Variants in TRAF6 observed in about 807,000 individuals in gnomAD.
TRAF6 encodes TNF receptor-associated factor 6.
Under a neutral mutation model 48.4 loss-of-function variants are expected in TRAF6, and 10 were observed. The observed-to-expected ratio is 0.21, with a 90% CI of 0.13 to 0.35. TRAF6 has a LOEUF of 0.35. TRAF6 is among the 10% of genes least tolerant of loss of function. TRAF6 has a pLI of 1.00. For missense variants in TRAF6, 397 were observed against 661.0 expected (o/e 0.60, Z 4.38); for synonymous variants, 186 against 219.6 (o/e 0.85, Z 1.35).
intron 1 of TRAF6, among the ~76,000 whole-genome samples, chr11:36,508,874 G>A (rs1165817748): frequency 6.6e-6 from 1 of 152,172 alleles, no homozygotes; most frequent in African/African-American, 2.4e-5. Context: ...CCAAATCTAA[G>A]TGTCCAAAAG....
intron 3 of TRAF6, among the ~76,000 whole-genome samples, chr11:36,498,151 T>C (rs1859666066): frequency 6.6e-6 from 1 of 152,174 alleles, no homozygotes; most frequent in African/African-American, 2.4e-5. Context: ...CCCAAAGTGC[T>C]GGGATTACAG....
At chr11:36,506,303 C>G (rs1158358191) in intron 1 of TRAF6, among the ~76,000 whole-genome samples, 1 of 152,044 alleles carries the variant, frequency 6.6e-6, no homozygotes, top group Non-Finnish European at 1.5e-5. Context: ...ATAGATAATG[C>G]TGGTTATCTA....
chr11:36,495,115 G>A, intron 4 of TRAF6, 68 bp from the exon 5 acceptor site: 1 of 1,233,048 alleles, frequency 8.1e-7, no homozygotes, highest in Non-Finnish European at 1.2e-6. Context: ...AACTAATTTT[G>A]ATAAAAAGCA....
chr11:36,491,218 G>A (rs570073578), intron 6 of TRAF6, among the ~76,000 whole-genome samples: 2 of 152,012 alleles, frequency 1.3e-5, no homozygotes, highest in South Asian at 4.2e-4. Context: ...CAAATCTATT[G>A]CAAATTGGAA....
chr11:36,484,093 C>T lies in TRAF6; in HGVS notation c.*5745G>A, dbSNP rs1859447408. ...GTCCTTCAATCTTAAGTCAGCCCAG[C>T]AATTCAGTTGTATTGACCTGATGGA... On this transcript the variant is annotated 3_prime_UTR_variant, in exon 7 of 7. Coordinates refer to ENST00000526995, the MANE Select transcript of TRAF6 (RefSeq NM_004620.4). Among the ~76,000 whole-genome samples, 1 of 152,176 alleles carries T rather than the reference C, an allele frequency of 6.6e-6. No individual in the cohort carries two copies. The highest frequency in any genetic ancestry group is 1.5e-5 in the Non-Finnish European group (1 of 68,038).
chr11:36,501,431 C>G lies in TRAF6; in HGVS notation c.85G>C (p.Ala29Pro), dbSNP rs370057355. ...CCVAMASSCS[A>P]VTKDDSVGGT... Reference sequence around the variant, plus strand: ...CCCACACTATCATCTTTTGTTACAGCGCTACAGGAGCTGGCCATGGCCACA... The same window carrying G: ...CCCACACTATCATCTTTTGTTACAGGGCTACAGGAGCTGGCCATGGCCACA... Residue 29 changes from alanine (A) to proline (P), a missense_variant, in exon 2 of 7, where the codon GCT becomes CCT. Physicochemically the swap from Ala to Pro is conservative, Grantham distance 27 (BLOSUM62 -1). Around this residue, in one of 4 missense-constraint regions of TRAF6, gnomAD observed 73 missense variants for 87.3 expected, o/e 0.84. Coordinates refer to ENST00000526995, the MANE Select transcript of TRAF6 (RefSeq NM_004620.4). The G allele has an allele frequency of 1.2e-6, 2 of 1,614,112 alleles. No individual in the cohort carries two copies. The highest frequency in any genetic ancestry group is 4.5e-5 in the East Asian group (2 of 44,870).
chr11:36,492,937 T>C (rs898426569), intron 5 of TRAF6, among the ~76,000 whole-genome samples: 4 of 152,130 alleles, frequency 2.6e-5, no homozygotes, highest in African/African-American at 9.7e-5. Context: ...CACCTAACAA[T>C]AGCTACAAGT....
intron 1 of TRAF6, among the ~76,000 whole-genome samples, chr11:36,503,300 T>G (rs1859741927): frequency 6.6e-6 from 1 of 151,808 alleles, no homozygotes; most frequent in African/African-American, 2.4e-5. Flanking sequence ...CTTAAGTTTT[T>G]TTTTTTTTTT....
intron 1 of TRAF6, among the ~76,000 whole-genome samples, chr11:36,509,431 T>G (rs1418932807): frequency 6.6e-6 from 1 of 152,050 alleles, no homozygotes; most frequent in African/African-American, 2.4e-5. Flanking sequence ...GAGCCTTTTT[T>G]TTTTTTTAAA....
chr11:36,508,128 C>A (rs1859832619), intron 1 of TRAF6, among the ~76,000 whole-genome samples: 1 of 152,040 alleles, frequency 6.6e-6, no homozygotes, highest in Non-Finnish European at 1.5e-5. Flanking sequence ...CAGGCATGAG[C>A]CATTATGCCA....
Position 36,488,260 on chromosome 11 carries a change from T to C in TRAF6, c.*1578A>G, listed in dbSNP as rs1233561125. Reference sequence around the variant, plus strand: ...CGGGAAACAAGGTCTCTGCTTGACTTTTATTTTCACTCCATAACAAACTCA... The same window carrying C: ...CGGGAAACAAGGTCTCTGCTTGACTCTTATTTTCACTCCATAACAAACTCA... On this transcript the variant is annotated 3_prime_UTR_variant, in exon 7 of 7. Transcript: ENST00000526995. The C allele has an allele frequency of 2.0e-5, 3 of 151,738 alleles. No homozygotes were observed. The highest frequency in any genetic ancestry group is 4.4e-5 in the Non-Finnish European group (3 of 67,998). The allele number at this position is 151,738 out of a possible 1,614,324, so 9.4% of individuals were successfully genotyped here.
intron 1 of TRAF6, among the ~76,000 whole-genome samples, chr11:36,509,654 G>A (rs951190456): frequency 2.0e-5 from 3 of 152,172 alleles, no homozygotes; most frequent in Admixed American, 2.0e-4. Flanking sequence ...AAGGCGACGC[G>A]GGGTTTTTTA....
chr11:36,495,175 G>T, intron 4 of TRAF6, 128 bp from the exon 5 acceptor site: 1 of 612,684 alleles, frequency 1.6e-6, no homozygotes, highest in East Asian at 2.9e-5. Flanking sequence ...AAGCAAAAGT[G>T]AGTGAAAGTG....
At position 36,508,228 on chromosome 11, in the gene TRAF6, A is replaced by C. The variant is rs1008845905; in HGVS notation, c.-23+1820T>G. On this transcript the variant is annotated intron_variant, in intron 1 of 6. Coordinates refer to ENST00000526995, the MANE Select transcript of TRAF6 (RefSeq NM_004620.4). ...TAATGAAGGGATGGAACAAAGTATA[A>C]ATTGTTCCTTAACTTGTATGTTAAG... is the stretch of plus-strand genomic sequence containing the variant. Among the ~76,000 whole-genome samples, 3 of 151,928 alleles carry C rather than the reference A, an allele frequency of 2.0e-5. No homozygotes were observed. In the East Asian group the frequency reaches 5.8e-4, roughly 29 times the overall value.
intron 2 of TRAF6, among the ~76,000 whole-genome samples, chr11:36,499,778 T>G (rs1464811451): frequency 2.0e-5 from 3 of 150,464 alleles, no homozygotes; most frequent in African/African-American, 7.5e-5. Context: ...TATAGAAAAG[T>G]TAATGTAAAA....
rs1005252014 is a variant in TRAF6 at position 36,495,047 on chromosome 11, T to C, written c.607A>G (p.Ile203Val). 3 of 1,598,118 alleles carry C rather than the reference T, an allele frequency of 1.9e-6. No homozygotes were observed. The highest frequency in any genetic ancestry group is 2.2e-5 in the South Asian group (2 of 90,122). The change falls in exon 5 of 7, where the codon ATC becomes GTC. Residue 203 changes from isoleucine to valine, a missense_variant and splice_region_variant. Physicochemically the swap from Ile to Val is conservative, Grantham distance 29. Coordinates refer to ENST00000526995, the MANE Select transcript of TRAF6 (RefSeq NM_004620.4). ...GCCAAAGGACAGTTCTGGTCATGGA[T>C]CTGAATTTTATTAGAGAAATATAAT... ...AASMAFEDKE[I>V]HDQNCPLANV... is the part of the protein sequence containing the mutation.
intron 2 of TRAF6, 112 bp downstream of exon 2, chr11:36,501,108 T>G (rs1175181072): frequency 9.4e-7 from 1 of 1,066,970 alleles, no homozygotes; most frequent in Non-Finnish European, 1.3e-6. Flanking sequence ...TCTTTTTTCC[T>G]AAGTAGCTTT....
chr11:36,502,090 G>C (rs538804448), intron 1 of TRAF6, among the ~76,000 whole-genome samples: 1 of 152,182 alleles, frequency 6.6e-6, no homozygotes, highest in Non-Finnish European at 1.5e-5. Context: ...AGTACGCAAG[G>C]AATCAGGTGA....
At chr11:36,503,457 G>C (rs1490295580) in intron 1 of TRAF6, among the ~76,000 whole-genome samples, 2 of 152,180 alleles carry the variant, frequency 1.3e-5, no homozygotes, top group East Asian at 3.9e-4. Flanking sequence ...ACTAATTTTT[G>C]TGTTTAGTAG....
Sources: gnomAD v4.1 joint callset for allele counts (sites outside exome capture counted in the v4.1 genomes callset) on GRCh38, gnomAD v4.1.1 for gene constraint, gnomAD v4.1.1 regional missense constraint, MANE v1.5 for transcripts, NCBI Gene and HGNC (gene_info 2026-07-23, HGNC 2026-07-21) for gene names.